KIF6: variants seen among roughly 807,000 people sequenced by gnomAD.
KIF6 encodes kinesin-like protein KIF6.
A neutral mutation model predicts 112.7 loss-of-function variants in KIF6; 106 were observed. That is an observed-to-expected ratio of 0.94 (90% CI 0.80 to 1.11). KIF6 has a LOEUF of 1.11. KIF6 is among the 50% of genes least tolerant of loss of function. The pLI is 0.00. For synonymous variants in KIF6, 339 were observed against 339.9 expected, an observed-to-expected ratio of 1.00 and a Z score of 0.03; for missense variants, 929 against 964.0, an observed-to-expected ratio of 0.96 and a Z score of 0.48.
At chr6:39,422,797 C>T (rs557227645) in intron 14 of KIF6, among the ~76,000 whole-genome samples, 12 of 152,322 alleles carry the variant, frequency 7.9e-5, no homozygotes, top group African/African-American at 2.9e-4. Flanking sequence ...CCTGCCCCTC[C>T]GTCTGAATTC....
At chr6:39,455,220 C>A (rs1389204945) in intron 13 of KIF6, among the ~76,000 whole-genome samples, 9 of 151,896 alleles carry the variant, frequency 5.9e-5, no homozygotes, top group African/African-American at 2.2e-4. Flanking sequence ...CCCCTGACCC[C>A]CGAGCAGCCT....
chr6:39,520,158 C>T (rs1008248444), intron 13 of KIF6, among the ~76,000 whole-genome samples: 1 of 152,136 alleles, frequency 6.6e-6, no homozygotes, highest in Non-Finnish European at 1.5e-5. Flanking sequence ...AATCCCTTTA[C>T]CATGGCAACA....
chr6:39,367,196 C>T (rs1046771560), intron 16 of KIF6, among the ~76,000 whole-genome samples: 1 of 152,176 alleles, frequency 6.6e-6, no homozygotes, highest in East Asian at 1.9e-4. Context: ...CATCAGTAAC[C>T]TCTGAAGAGA....
chr6:39,646,403 A>G (rs1435805809), intron 3 of KIF6, among the ~76,000 whole-genome samples: 1 of 152,088 alleles, frequency 6.6e-6, no homozygotes, highest in Non-Finnish European at 1.5e-5. Context: ...TGTCCACCCA[A>G]AGAATTCCCT....
At chr6:39,461,455 A>C (rs149237128) in intron 13 of KIF6, among the ~76,000 whole-genome samples, 3,380 of 152,232 alleles carry the variant, frequency 0.022, 66 homozygotes, top group Non-Finnish European at 0.029. Context: ...CATACATATA[A>C]TTTTAGATTT....
intron 13 of KIF6, among the ~76,000 whole-genome samples, chr6:39,461,210 G>A (rs1401974722): frequency 6.6e-6 from 1 of 152,028 alleles, no homozygotes; most frequent in Non-Finnish European, 1.5e-5. Context: ...ATAAATCATA[G>A]GTCTATAATG....
Position 39,634,490 on chromosome 6 carries a change from T to C in KIF6, c.509+359A>G, listed in dbSNP as rs149053520. Among the ~76,000 whole-genome samples the C allele has an allele frequency of 1.7e-4, 26 of 152,208 alleles. 1 individual carries two copies. In the East Asian group the frequency reaches 4.3e-3, roughly 25 times the overall value. On this transcript the variant is annotated intron_variant, in intron 5 of 22. Transcript: ENST00000287152. ...CTTGAACTCTAATTTGAATACCTTC[T>C]TCTCAGAAAGAGGCCACAATTAGAA...
At chr6:39,356,165 G>A (rs553541666) in intron 19 of KIF6, among the ~76,000 whole-genome samples, 5 of 152,076 alleles carry the variant, frequency 3.3e-5, no homozygotes, top group African/African-American at 1.2e-4. Flanking sequence ...GGATGTGTCT[G>A]ATGTTTTCCT....
At chr6:39,566,544 T>A (rs1214932512) in intron 10 of KIF6, among the ~76,000 whole-genome samples, 1 of 152,242 alleles carries the variant, frequency 6.6e-6, no homozygotes, top group African/African-American at 2.4e-5. Context: ...AGTTTTTGTT[T>A]TGTTTAGCCT....
intron 13 of KIF6, among the ~76,000 whole-genome samples, chr6:39,445,801 C>T (rs1448133318): frequency 2.6e-5 from 4 of 152,192 alleles, no homozygotes; most frequent in Non-Finnish European, 5.9e-5. Flanking sequence ...GGCAAATCCA[C>T]AGGGATGGGG....
rs565059855 is a variant in KIF6 at position 39,657,616 on chromosome 6, CACAG to C, written c.252-17863_252-17860del. Among the ~76,000 whole-genome samples, 101 of 152,274 alleles carry C rather than the reference CACAG, an allele frequency of 6.6e-4. 1 individual carries two copies. Among genetic ancestry groups the C allele is most frequent in the Middle Eastern group, 6.8e-3 (2 of 294 alleles). ...AAAGTTGTGCAAGTAAAGTAAATAT[CACAG>C]ACAAATTATCTCTCTCTAAATTTAA... On this transcript the variant is annotated intron_variant, in intron 3 of 22. Coordinates refer to ENST00000287152, the MANE Select transcript of KIF6 (RefSeq NM_145027.6).
intron 4 of KIF6, 92 bp from the exon 5 acceptor site, chr6:39,635,050 A>T (rs1417336948): frequency 4.2e-6 from 3 of 719,720 alleles, no homozygotes; most frequent in Admixed American, 2.3e-5. Flanking sequence ...GTTTCCTCAT[A>T]GTTTCTCTCT....
intron 16 of KIF6, among the ~76,000 whole-genome samples, chr6:39,381,659 A>G (rs1389689095): frequency 6.6e-6 from 1 of 152,168 alleles, no homozygotes; most frequent in Non-Finnish European, 1.5e-5. Flanking sequence ...TGGGACACAC[A>G]AGCTCTGGCA....
chr6:39,562,612 T>C (rs1301408494), intron 10 of KIF6, among the ~76,000 whole-genome samples: 2 of 152,194 alleles, frequency 1.3e-5, no homozygotes, highest in Non-Finnish European at 2.9e-5. Flanking sequence ...AAAGAGCAGA[T>C]CTTGAGACAG....
chr6:39,637,492 A>T (rs189168763), intron 4 of KIF6, among the ~76,000 whole-genome samples: 1 of 152,128 alleles, frequency 6.6e-6, no homozygotes, highest in East Asian at 1.9e-4. Context: ...AAATGGCATC[A>T]ATTTTCTTCT....
At chr6:39,667,014 G>T (rs912373942) in intron 3 of KIF6, among the ~76,000 whole-genome samples, 1 of 151,992 alleles carries the variant, frequency 6.6e-6, no homozygotes, top group Non-Finnish European at 1.5e-5. Context: ...CAGCCTTTTT[G>T]CACGGGAACA....
intron 15 of KIF6, among the ~76,000 whole-genome samples, chr6:39,405,607 T>C (rs1769027760): frequency 6.6e-6 from 1 of 152,236 alleles, no homozygotes; most frequent in African/African-American, 2.4e-5. Flanking sequence ...TTGTATTCAA[T>C]ATGCTAGTAT....
At chr6:39,476,444 T>C (rs959901010) in intron 13 of KIF6, among the ~76,000 whole-genome samples, 2 of 152,116 alleles carry the variant, frequency 1.3e-5, no homozygotes, top group African/African-American at 4.8e-5. Flanking sequence ...GGTATTTTGA[T>C]GTGAGAGCAT....
intron 13 of KIF6, among the ~76,000 whole-genome samples, chr6:39,532,907 C>T (rs1229592457): frequency 6.6e-6 from 1 of 152,212 alleles, no homozygotes; most frequent in Admixed American, 6.5e-5. Flanking sequence ...CATCAGTCAC[C>T]TGAGTGCACA....
Sources: allele counts gnomAD v4.1 joint callset (sites outside exome capture counted in the v4.1 genomes callset), GRCh38; gene constraint gnomAD v4.1.1; transcripts MANE v1.5; gene names NCBI Gene and HGNC (gene_info 2026-07-23, HGNC 2026-07-21).